Variants in TLE4 observed in about 807,000 individuals in gnomAD.
TLE4 encodes TLE family member 4, transcriptional corepressor.
Under a neutral mutation model 92.8 loss-of-function variants are expected in TLE4, and 8 were observed. The ratio of observed to expected loss-of-function variants is 0.09; its 90% CI spans 0.05 to 0.16. The LOEUF (loss-of-function observed/expected upper bound fraction) is 0.16. Ranked by LOEUF, TLE4 falls within the 10% of genes least tolerant of loss-of-function variation. The pLI is 1.00. For missense variants in TLE4, 675 were observed against 997.6 expected (o/e 0.68, Z 4.36); for synonymous variants, 371 against 374.1 (o/e 0.99, Z 0.10).
intron 6 of TLE4, among the ~76,000 whole-genome samples, chr9:79,641,842 C>T (rs2057209159): frequency 1.3e-5 from 2 of 152,146 alleles, no homozygotes; most frequent in African/African-American, 4.8e-5. Context: ...GACTCTCTCA[C>T]CTAGGAGATC....
At chr9:79,618,505 T>G (rs552976929) in intron 5 of TLE4, among the ~76,000 whole-genome samples, 1 of 152,344 alleles carries the variant, frequency 6.6e-6, no homozygotes, top group Non-Finnish European at 1.5e-5. Flanking sequence ...GGCTTCCTAA[T>G]TCTCATTTAT....
chr9:79,724,446 G>A (rs982293903), intron 19 of TLE4, among the ~76,000 whole-genome samples: 1 of 152,062 alleles, frequency 6.6e-6, no homozygotes, highest in Admixed American at 6.5e-5. Flanking sequence ...CAGCAGAGGT[G>A]CTCATGCCAT....
chr9:79,652,478 T>A, intron 6 of TLE4, 115 bp from the exon 7 acceptor site: 1 of 1,167,014 alleles, frequency 8.6e-7, no homozygotes. Context: ...TGAGCCACCG[T>A]GCCCAGCCGG....
intron 8 of TLE4, among the ~76,000 whole-genome samples, chr9:79,694,377 C>T (rs755031908): frequency 6.6e-6 from 1 of 152,158 alleles, no homozygotes; most frequent in African/African-American, 2.4e-5. Context: ...GTGGAGTGCT[C>T]TTGTCTGGTT....
At chr9:79,626,588 T>G (rs10125657) in intron 5 of TLE4, among the ~76,000 whole-genome samples, 23,868 of 152,136 alleles carry the variant, frequency 0.16, 2,082 homozygotes, top group African/African-American at 0.22. Flanking sequence ...TCTAGATATA[T>G]ATGAGTGCCC....
intron 4 of TLE4, among the ~76,000 whole-genome samples, chr9:79,602,752 C>T (rs1463275465): frequency 6.6e-6 from 1 of 152,070 alleles, no homozygotes; most frequent in African/African-American, 2.4e-5. Context: ...GGAGTAATTT[C>T]AACTTTTAAG....
At chr9:79,676,961 A>G (rs937807177) in intron 8 of TLE4, among the ~76,000 whole-genome samples, 37 of 152,136 alleles carry the variant, frequency 2.4e-4, no homozygotes, top group African/African-American at 8.4e-4. Flanking sequence ...TTGAAGATGC[A>G]TTTCCCATGC....
intron 6 of TLE4, among the ~76,000 whole-genome samples, chr9:79,648,845 G>A (rs1370291720): frequency 6.6e-6 from 1 of 152,134 alleles, no homozygotes; most frequent in Non-Finnish European, 1.5e-5. Flanking sequence ...ACAATTGTCT[G>A]ACAAAAAGTT....
chr9:79,652,981 G>A (rs895930705), intron 7 of TLE4, 187 bp downstream of exon 7: 6 of 751,960 alleles, frequency 8.0e-6, no homozygotes, highest in Non-Finnish European at 1.4e-5. Flanking sequence ...GTTGGCAAGA[G>A]CTAACATACT....
chr9:79,674,362 C>A (rs1321058790), intron 8 of TLE4, among the ~76,000 whole-genome samples: 1 of 152,096 alleles, frequency 6.6e-6, no homozygotes, highest in Non-Finnish European at 1.5e-5. Flanking sequence ...CTGGTTCACC[C>A]AGAACATAAG....
intron 8 of TLE4, among the ~76,000 whole-genome samples, chr9:79,675,615 G>C (rs562855200): frequency 6.6e-6 from 1 of 152,252 alleles, no homozygotes; most frequent in Non-Finnish European, 1.5e-5. Flanking sequence ...TTAAAATCCA[G>C]AATGTGTAGG....
At chr9:79,650,370 G>A (rs1207882204) in intron 6 of TLE4, among the ~76,000 whole-genome samples, 6 of 152,170 alleles carry the variant, frequency 3.9e-5, no homozygotes, top group Non-Finnish European at 8.8e-5. Flanking sequence ...GAGCATGCAG[G>A]ATCTTAATAA....
chr9:79,610,583 A>G (rs751064044), intron 4 of TLE4, among the ~76,000 whole-genome samples: 5 of 152,046 alleles, frequency 3.3e-5, no homozygotes, highest in Non-Finnish European at 5.9e-5. Context: ...ATGAAAATCC[A>G]TTGGCATGAC....
At chr9:79,671,995 CTTTTTT>C (rs773064446) in intron 8 of TLE4, among the ~76,000 whole-genome samples, 1 of 33,694 alleles carries the variant, frequency 3.0e-5, no homozygotes, top group Non-Finnish European at 4.9e-5. Flanking sequence ...AAACAAAACA[CTTTTTT>C]TTTTTTTTTT....
chr9:79,582,639 CTTTTTT>C (rs35195007), intron 4 of TLE4, among the ~76,000 whole-genome samples: 2 of 115,654 alleles, frequency 1.7e-5, no homozygotes, highest in Non-Finnish European at 3.6e-5. Flanking sequence ...TTTAATGTGG[CTTTTTT>C]TTTTTTTTTT....
chr9:79,579,563 AATC>A (rs1286710398), intron 4 of TLE4, among the ~76,000 whole-genome samples: 1 of 152,338 alleles, frequency 6.6e-6, no homozygotes, highest in Admixed American at 6.5e-5. Flanking sequence ...GAATTTTAGT[AATC>A]ATCAGGAAAT....
chr9:79,669,794 C>A (rs2061975392), intron 8 of TLE4, among the ~76,000 whole-genome samples: 1 of 152,084 alleles, frequency 6.6e-6, no homozygotes, highest in Non-Finnish European at 1.5e-5. Context: ...GGGAATGGCC[C>A]AATTGTTTTA....
At chr9:79,646,978 G>T (rs1175224328) in intron 6 of TLE4, among the ~76,000 whole-genome samples, 1 of 152,126 alleles carries the variant, frequency 6.6e-6, no homozygotes, top group Admixed American at 6.5e-5. Context: ...TAAGCAGTAT[G>T]CCTGTAGGTT....
intron 4 of TLE4, among the ~76,000 whole-genome samples, chr9:79,579,217 C>T (rs1402450609): frequency 6.6e-6 from 1 of 152,108 alleles, no homozygotes; most frequent in Admixed American, 6.6e-5. Flanking sequence ...GCTGATTGTT[C>T]TTCTTTGTAA....
Sources: allele counts gnomAD v4.1 joint callset (sites outside exome capture counted in the v4.1 genomes callset), GRCh38; gene constraint gnomAD v4.1.1; transcripts MANE v1.5; gene names NCBI Gene and HGNC (gene_info 2026-07-23, HGNC 2026-07-21).